Variants in ASMT observed in about 807,000 individuals in gnomAD.
The protein encoded by ASMT is acetylserotonin N-methyltransferase.
ASMT carries 53 observed loss-of-function variants against 41.3 expected under a neutral mutation model. The observed-to-expected ratio is 1.28, with a 90% CI of 1.03 to 1.61. The LOEUF is 1.61. Ranked by LOEUF, ASMT falls within the 40% of genes most tolerant of loss-of-function variation. The pLI, the probability that ASMT is intolerant of heterozygous loss-of-function variation, is 0.00. For synonymous variants in ASMT, 231 were observed against 184.8 expected, an observed-to-expected ratio of 1.25 and a Z score of -2.03; for missense variants, 531 against 441.3, an observed-to-expected ratio of 1.20 and a Z score of -1.82.
chrX:1,633,894 T>C (rs1336109426), intron 7 of ASMT, among the ~76,000 whole-genome samples: 2 of 152,008 alleles, frequency 1.3e-5, no homozygotes, highest in African/African-American at 4.8e-5. Flanking sequence ...CACCTTGGCC[T>C]CCCAAAGTGC....
At chrX:1,642,654 T>C in intron 8 of ASMT, 149 bp from the exon 9 acceptor site, 2 of 725,434 alleles carry the variant, frequency 2.8e-6, no homozygotes, top group African/African-American at 1.7e-5. Context: ...TGATGATCGA[T>C]GAGGACGTGG....
intron 1 of ASMT, among the ~76,000 whole-genome samples, chrX:1,620,715 C>T (rs1237592134): frequency 7.2e-5 from 11 of 151,926 alleles, no homozygotes; most frequent in African/African-American, 2.2e-4. Context: ...GGTGAAACCC[C>T]GCCTCTACTA....
intron 3 of ASMT, chrX:1,624,600 A>T (rs1569373497): frequency 1.1e-6 from 1 of 882,380 alleles, no homozygotes; most frequent in Non-Finnish European, 1.3e-6. Flanking sequence ...GGCTGCCCCC[A>T]GGCAGATGCT....
intron 1 of ASMT, among the ~76,000 whole-genome samples, chrX:1,617,186 C>T (rs1267097224): frequency 2.0e-5 from 3 of 150,598 alleles, no homozygotes; most frequent in Non-Finnish European, 3.0e-5. Context: ...AAAAAATAAA[C>T]GGCAGGGCGC....
Position 1,627,729 on chromosome X carries a change from C to A in ASMT, c.401C>A (p.Thr134Lys), listed in dbSNP as rs139938699. ...GAAGGAAGGAACCAGTACCTGGAGA[C>A]GTTTGGCGTTCCCGCTGAAGAGCTT... The part of the protein sequence containing the change: ...VREGRNQYLE[T>K]FGVPAEELFT... The change falls in exon 4 of 9, where the codon ACG becomes AAG. Residue 134 changes from threonine to lysine, a missense_variant. Transcript: ENST00000381241. 1.9e-6 allele frequency: 3 copies of A among 1,613,932 alleles called. No homozygotes were observed. The highest frequency in any genetic ancestry group is 2.5e-6 in the Non-Finnish European group (3 of 1,179,836).
chrX:1,628,030 G>A (rs1934621985), intron 4 of ASMT: 4 of 563,298 alleles, frequency 7.1e-6, no homozygotes, highest in Admixed American at 6.4e-5. Context: ...TGTAGAAAAT[G>A]GAGGCACGCG....
chrX:1,636,701 C>G, intron 8 of ASMT, 141 bp downstream of exon 8: 1 of 1,290,918 alleles, frequency 7.7e-7, no homozygotes, highest in Non-Finnish European at 1.1e-6. Context: ...TTTTAGATAA[C>G]GACCTGAAAT....
At chrX:1,635,067 C>T (rs1180050204) in intron 7 of ASMT, among the ~76,000 whole-genome samples, 8 of 149,636 alleles carry the variant, frequency 5.3e-5, no homozygotes, top group Admixed American at 4.7e-4. Context: ...CTCCACCTCC[C>T]GGGTTCACAC....
At position 1,623,130 on chromosome X, in the gene ASMT, T is replaced by G; in HGVS notation, c.70-9T>G. 6.2e-7 allele frequency: 1 copy of G among 1,612,318 alleles called. No individual in the cohort carries two copies. The highest frequency in any genetic ancestry group is 8.5e-7 in the Non-Finnish European group (1 of 1,179,822). On this transcript the variant is annotated splice_polypyrimidine_tract_variant and intron_variant, in intron 1 of 8. Transcript: ENST00000381241. ...AGCCCTGACCTTTTATTTCCGCTCCTGCTCCAAGGTTCTCTTCGCCGCCTG... is the reference window on the plus strand; with the variant it reads ...AGCCCTGACCTTTTATTTCCGCTCCGGCTCCAAGGTTCTCTTCGCCGCCTG...
At chrX:1,630,674 A>C (rs2149468401) in intron 5 of ASMT, among the ~76,000 whole-genome samples, 1 of 151,948 alleles carries the variant, frequency 6.6e-6, no homozygotes, top group East Asian at 1.9e-4. Context: ...CTCCCACCTC[A>C]GCCTCCCAAG....
intron 1 of ASMT, among the ~76,000 whole-genome samples, chrX:1,619,366 C>A (rs1934253942): frequency 6.7e-6 from 1 of 149,468 alleles, no homozygotes; most frequent in Admixed American, 6.7e-5. Flanking sequence ...TGCACTCCAG[C>A]CTTGGGGGCA....
intron 1 of ASMT, among the ~76,000 whole-genome samples, chrX:1,615,951 C>G (rs1395015246): frequency 6.6e-6 from 1 of 152,138 alleles, no homozygotes; most frequent in Non-Finnish European, 1.5e-5. Context: ...TGTTTATTAA[C>G]CCAGTAAATA....
chrX:1,630,828 G>C (rs1378418118), intron 5 of ASMT, among the ~76,000 whole-genome samples: 2 of 151,894 alleles, frequency 1.3e-5, no homozygotes, highest in Admixed American at 6.6e-5. Context: ...AAAGTGCTGG[G>C]ATTACAGGCG....
At chrX:1,625,104 C>CTTT (rs1330663748) in intron 3 of ASMT, among the ~76,000 whole-genome samples, 2,137 of 126,946 alleles carry the variant, frequency 0.017, 141 homozygotes, top group African/African-American at 0.053. Flanking sequence ...CTTTTCTTTT[C>CTTT]TTTCTTTTTT....
intron 3 of ASMT, among the ~76,000 whole-genome samples, chrX:1,625,567 A>AAAGGG (rs1603461338): frequency 4.2e-5 from 5 of 118,934 alleles, no homozygotes; most frequent in Admixed American, 9.1e-5. Context: ...GGAGGGAGGG[A>AAAGGG]GGGAAAGAAG....
intron 1 of ASMT, among the ~76,000 whole-genome samples, chrX:1,619,112 T>TG: frequency 6.6e-6 from 1 of 152,074 alleles, no homozygotes; most frequent in Admixed American, 6.6e-5. Flanking sequence ...TAGTATACCC[T>TG]TGGCCAGGCA....
chrX:1,636,556 G>A lies in ASMT; in HGVS notation c.906G>A (p.Lys302=). 1 of 1,610,028 alleles carries A rather than the reference G, an allele frequency of 6.2e-7. No homozygotes were observed. Among genetic ancestry groups the A allele is most frequent in the Non-Finnish European group, 8.5e-7 (1 of 1,178,926 alleles). Residue 302 remains lysine (K), a synonymous_variant, in exon 8 of 9, where the codon AAG becomes AAA. Coordinates refer to ENST00000381241, the MANE Select transcript of ASMT (RefSeq NM_001171038.2). ...HLLERIYHTC[K]PGGGILVIES... ...TGGAGAGGATCTACCACACTTGCAAGCCAGGTAAGTTGTGGGGTTTGCATT... is the reference window on the plus strand; with the variant it reads ...TGGAGAGGATCTACCACACTTGCAAACCAGGTAAGTTGTGGGGTTTGCATT...
intron 2 of ASMT, among the ~76,000 whole-genome samples, chrX:1,623,660 G>A (rs149481607): frequency 0.015 from 2,333 of 152,180 alleles, 54 homozygotes; most frequent in African/African-American, 0.054. Flanking sequence ...CCCTGGGGAC[G>A]TCAAAGCTGC....
intron 7 of ASMT, among the ~76,000 whole-genome samples, chrX:1,635,512 C>T (rs745756556): frequency 1.5e-3 from 221 of 152,172 alleles, no homozygotes; most frequent in South Asian, 5.8e-3. Flanking sequence ...CTGGAATCCA[C>T]GGCTTTGGGT....
Sources: allele counts gnomAD v4.1 joint callset (sites outside exome capture counted in the v4.1 genomes callset), GRCh38; gene constraint gnomAD v4.1.1; transcripts MANE v1.5; gene names NCBI Gene and HGNC (gene_info 2026-07-23, HGNC 2026-07-21).